CADPS2: variants seen among roughly 807,000 people sequenced by gnomAD.
CADPS2 encodes the protein calcium dependent secretion activator 2, also known as calcium-dependent secretion activator 2.
Under a neutral mutation model 172.5 loss-of-function variants are expected in CADPS2, and 93 were observed. The ratio of observed to expected loss-of-function variants is 0.54; its 90% CI spans 0.46 to 0.64. The LOEUF (loss-of-function observed/expected upper bound fraction) is 0.64. Ranked by LOEUF, CADPS2 falls within the 30% of genes least tolerant of loss-of-function variation. The pLI, the probability that CADPS2 is intolerant of heterozygous loss-of-function variation, is 0.00. For missense variants in CADPS2, 1,420 were observed against 1,565.9 expected (o/e 0.91, Z 1.57); for synonymous variants, 546 against 555.2 (o/e 0.98, Z 0.23).
intron 7 of CADPS2, among the ~76,000 whole-genome samples, chr7:122,565,121 G>A (rs760458130): frequency 2.1e-4 from 32 of 151,802 alleles, no homozygotes; most frequent in Non-Finnish European, 3.7e-4. Flanking sequence ...TTACTTACTC[G>A]ATATGATGAT....
chr7:122,375,789 A>C (rs1461077003), intron 25 of CADPS2, among the ~76,000 whole-genome samples: 1 of 152,140 alleles, frequency 6.6e-6, no homozygotes, highest in Admixed American at 6.5e-5. Context: ...CAGCTTTTGC[A>C]CAGCAAGGGA....
chr7:122,794,959 C>T (rs764842511), intron 1 of CADPS2, among the ~76,000 whole-genome samples: 1 of 152,052 alleles, frequency 6.6e-6, no homozygotes, highest in Admixed American at 6.6e-5. Context: ...CTCTGGGACA[C>T]AGCTAAGGCC....
At chr7:122,326,613 A>G (rs980193597) in intron 28 of CADPS2, among the ~76,000 whole-genome samples, 3 of 152,088 alleles carry the variant, frequency 2.0e-5, no homozygotes, top group Admixed American at 6.5e-5. Flanking sequence ...ATACACAAAC[A>G]TAATGACAGT....
chr7:122,685,640 ATTCTGTT>A (rs1263143494), intron 2 of CADPS2, among the ~76,000 whole-genome samples: 1 of 151,988 alleles, frequency 6.6e-6, no homozygotes. Context: ...GTAGTTCCCT[ATTCTGTT>A]TTCTATTTTT....
At chr7:122,569,246 CAGAG>C (rs1313694733) in intron 7 of CADPS2, among the ~76,000 whole-genome samples, 1 of 152,050 alleles carries the variant, frequency 6.6e-6, no homozygotes, top group Non-Finnish European at 1.5e-5. Context: ...AACAGACAAA[CAGAG>C]AGCCAAATCA....
chr7:122,530,117 G>T (rs2061630945), intron 8 of CADPS2, among the ~76,000 whole-genome samples: 1 of 152,004 alleles, frequency 6.6e-6, no homozygotes, highest in African/African-American at 2.4e-5. Context: ...ATTATAAAAG[G>T]TAAAGATAAA....
chr7:122,845,595 A>G (rs1295629748), intron 1 of CADPS2, among the ~76,000 whole-genome samples: 1 of 152,180 alleles, frequency 6.6e-6, no homozygotes, highest in Non-Finnish European at 1.5e-5. Context: ...ACATCCCCTC[A>G]GGAGTCACAC....
intron 3 of CADPS2, 85 bp from the exon 4 acceptor site, chr7:122,629,413 A>C (rs2076370806): frequency 2.3e-6 from 2 of 864,850 alleles, no homozygotes; most frequent in Non-Finnish European, 1.7e-6. Context: ...CCACAGACTA[A>C]GGCAAAGATT....
chr7:122,863,935 CAGG>C (rs982958636), intron 1 of CADPS2, among the ~76,000 whole-genome samples: 70 of 152,042 alleles, frequency 4.6e-4, no homozygotes, highest in African/African-American at 1.6e-3. Flanking sequence ...GAGGCTGAGG[CAGG>C]AGAACTGCTT....
In CADPS2 at chr7:122,866,880, C is replaced by A. The variant is rs1204327828; in HGVS notation, c.339+19119G>T. On this transcript the variant is annotated intron_variant, in intron 1 of 29. Coordinates refer to ENST00000449022, the MANE Select transcript of CADPS2 (RefSeq NM_017954.11). ...ACATCTTACCACGGCCTAAAAAATTCATATAAGCTAGCCTCTGCATACCTC... is the reference window on the plus strand; with the variant it reads ...ACATCTTACCACGGCCTAAAAAATTAATATAAGCTAGCCTCTGCATACCTC... Among the ~76,000 whole-genome samples, 3 of 152,156 alleles carry A rather than the reference C, an allele frequency of 2.0e-5. No individual in the cohort carries two copies. In the East Asian group the frequency reaches 5.8e-4, roughly 29 times the overall value.
intron 17 of CADPS2, among the ~76,000 whole-genome samples, chr7:122,425,728 T>G (rs984904396): frequency 1.6e-4 from 24 of 152,212 alleles, no homozygotes; most frequent in African/African-American, 5.8e-4. Context: ...ATATATACAT[T>G]GTATCCATTT....
At chr7:122,757,338 G>A (rs1002778209) in intron 1 of CADPS2, among the ~76,000 whole-genome samples, 3 of 151,870 alleles carry the variant, frequency 2.0e-5, no homozygotes, top group African/African-American at 4.8e-5. Flanking sequence ...TTGTAGAGAC[G>A]GGGTTTCGCC....
intron 1 of CADPS2, among the ~76,000 whole-genome samples, chr7:122,868,595 C>G (rs758774637): frequency 6.6e-6 from 1 of 152,080 alleles, no homozygotes; most frequent in Non-Finnish European, 1.5e-5. Flanking sequence ...AGATCTTTTA[C>G]GCAAGACCAC....
At chr7:122,419,705 G>A (rs930688779) in intron 17 of CADPS2, among the ~76,000 whole-genome samples, 1 of 151,724 alleles carries the variant, frequency 6.6e-6, no homozygotes, top group Non-Finnish European at 1.5e-5. Flanking sequence ...CATAAATATT[G>A]CACTTATATA....
intron 1 of CADPS2, among the ~76,000 whole-genome samples, chr7:122,772,954 T>C (rs1488264606): frequency 1.3e-5 from 2 of 152,042 alleles, no homozygotes; most frequent in Non-Finnish European, 2.9e-5. Context: ...TTTATCAAAA[T>C]AGATTCTCAA....
intron 20 of CADPS2, among the ~76,000 whole-genome samples, chr7:122,402,726 A>T (rs2151607115): frequency 6.6e-6 from 1 of 152,336 alleles, no homozygotes; most frequent in Admixed American, 6.5e-5. Flanking sequence ...AATAAATCAC[A>T]AACTGTTTAA....
intron 28 of CADPS2, among the ~76,000 whole-genome samples, chr7:122,344,009 C>A: frequency 6.6e-6 from 1 of 152,232 alleles, no homozygotes; most frequent in East Asian, 1.9e-4. Flanking sequence ...ACAGGCAATA[C>A]TTTTTATTGT....
At chr7:122,596,518 T>C (rs2071813228) in intron 6 of CADPS2, among the ~76,000 whole-genome samples, 2 of 152,090 alleles carry the variant, frequency 1.3e-5, no homozygotes, top group African/African-American at 2.4e-5. Context: ...CTCGGGCTTG[T>C]GTTAAAAGGA....
At chr7:122,433,300 T>G (rs1226906356) in intron 17 of CADPS2, among the ~76,000 whole-genome samples, 1 of 151,998 alleles carries the variant, frequency 6.6e-6, no homozygotes, top group Non-Finnish European at 1.5e-5. Context: ...ACAACATTTC[T>G]AAAAAACCCC....
Sources: allele counts gnomAD v4.1 joint callset (sites outside exome capture counted in the v4.1 genomes callset), GRCh38; gene constraint gnomAD v4.1.1; transcripts MANE v1.5; gene names NCBI Gene and HGNC (gene_info 2026-07-23, HGNC 2026-07-21).